Variants in CNTNAP3 observed in about 807,000 individuals in gnomAD.
CNTNAP3 encodes contactin-associated protein-like 3.
A neutral mutation model predicts 92.1 loss-of-function variants in CNTNAP3; 36 were observed. The ratio of observed to expected loss-of-function variants is 0.39; its 90% CI spans 0.30 to 0.52. The LOEUF (loss-of-function observed/expected upper bound fraction) is 0.52, where lower values mean the gene tolerates loss of function less well. Ranked by LOEUF, CNTNAP3 falls within the 20% of genes least tolerant of loss-of-function variation. The pLI, the probability that CNTNAP3 is intolerant of heterozygous loss-of-function variation, is 0.76. For synonymous variants in CNTNAP3, 232 were observed against 422.3 expected (o/e 0.55, Z 5.53); for missense variants, 534 against 1,069.6 (o/e 0.50, Z 6.98).
At chr9:39,106,011 C>T (rs1826596149) in intron 15 of CNTNAP3, among the ~76,000 whole-genome samples, 1 of 152,118 alleles carries the variant, frequency 6.6e-6, no homozygotes, top group Non-Finnish European at 1.5e-5. Context: ...ACATGTATAA[C>T]TCTTTCCTCA....
At chr9:39,104,396 T>C (rs1289281870) in intron 15 of CNTNAP3, among the ~76,000 whole-genome samples, 5 of 151,504 alleles carry the variant, frequency 3.3e-5, no homozygotes, top group Admixed American at 3.3e-4. Context: ...GGCATCCAAG[T>C]GGAGATTTGA....
intron 15 of CNTNAP3, chr9:39,106,608 CT>C (rs1826612068): frequency 6.6e-6 from 1 of 152,110 alleles, no homozygotes; most frequent in Non-Finnish European, 1.5e-5. Context: ...AGAAGTCTTG[CT>C]GAAAGTAGGA....
At chr9:39,123,738 T>G (rs1051961000) in intron 13 of CNTNAP3, among the ~76,000 whole-genome samples, 14 of 152,178 alleles carry the variant, frequency 9.2e-5, no homozygotes, top group Admixed American at 2.6e-4. Flanking sequence ...TTATGCCAGA[T>G]TTCCCTTAAG....
At chr9:39,118,049 A>G (rs1820902168) in intron 14 of CNTNAP3, 54 bp downstream of exon 14, 17 of 1,584,874 alleles carry the variant, frequency 1.1e-5, no homozygotes, top group Non-Finnish European at 1.4e-5. Context: ...TTAACTATGC[A>G]TAATTAAAGA....
intron 12 of CNTNAP3, among the ~76,000 whole-genome samples, chr9:39,137,679 A>T (rs1364316587): frequency 2.7e-5 from 4 of 150,218 alleles, no homozygotes; most frequent in African/African-American, 9.8e-5. Flanking sequence ...TGCCCAGCTA[A>T]TTTTTTTTGT....
At position 39,117,016 on chromosome 9, in the gene CNTNAP3, G is replaced by A. The variant is rs915142011; in HGVS notation, c.2237+1087C>T. On this transcript the variant is annotated intron_variant, in intron 14 of 23. Coordinates refer to ENST00000297668, the MANE Select transcript of CNTNAP3 (RefSeq NM_033655.5). Reference sequence around the variant, plus strand: ...ATTATTATTATTATTATTTTGAGGTGGAGTCTTGCTCTGTCGCCCAGGCTG... The same window carrying A: ...ATTATTATTATTATTATTTTGAGGTAGAGTCTTGCTCTGTCGCCCAGGCTG... Among the ~76,000 whole-genome samples, 41 of 151,584 alleles carry A rather than the reference G, an allele frequency of 2.7e-4. 1 individual carries two copies. Among genetic ancestry groups the A allele is most frequent in the African/African-American group, 9.2e-4 (38 of 41,256 alleles).
chr9:39,121,254 G>A (rs1821012301), intron 13 of CNTNAP3, among the ~76,000 whole-genome samples: 1 of 151,884 alleles, frequency 6.6e-6, no homozygotes, highest in Admixed American at 6.6e-5. Context: ...AAAGAAAGCA[G>A]AATGGCTATC....
chr9:39,093,395 G>C (rs1183750531), intron 18 of CNTNAP3, among the ~76,000 whole-genome samples: 1 of 87,994 alleles, frequency 1.1e-5, no homozygotes, highest in Non-Finnish European at 2.5e-5. Flanking sequence ...TATATAATTT[G>C]CCACTTAACC....
At chr9:39,100,506 T>C (rs1386885256) in intron 17 of CNTNAP3, among the ~76,000 whole-genome samples, 4 of 152,226 alleles carry the variant, frequency 2.6e-5, no homozygotes, top group East Asian at 3.9e-4. Flanking sequence ...TAAGAATGTG[T>C]ATTCATCAAA....
intron 23 of CNTNAP3, among the ~76,000 whole-genome samples, chr9:39,074,818 G>A (rs983707695): frequency 8.5e-5 from 13 of 152,260 alleles, no homozygotes; most frequent in African/African-American, 3.1e-4. Context: ...GCCCAGTCTG[G>A]AGTGCAGTGG....
Position 39,102,571 on chromosome 9 carries a change from T to G in CNTNAP3, c.2681A>C (p.Gln894Pro). 1 of 1,488,904 alleles carries G rather than the reference T, an allele frequency of 6.7e-7. No homozygotes were observed. 92.2% of individuals were successfully genotyped at this position (1,488,904 alleles called of 1,614,324 possible). ...NVKGASLQVD[Q>P]LPQKMQPAPA... ...GGCAGGCTGCATCTTCTGAGGAAGC[T>G]GATCAACTTGAAGAGACGCTCCTTT... Residue 894 changes from glutamine (Q) to proline (P), a missense_variant, in exon 17 of 24, where the codon CAG (glutamine) becomes CCG (proline). Transcript: ENST00000297668.
At chr9:39,148,025 C>T (rs1821744518) in intron 10 of CNTNAP3, among the ~76,000 whole-genome samples, 1 of 152,080 alleles carries the variant, frequency 6.6e-6, no homozygotes, top group South Asian at 2.1e-4. Flanking sequence ...GGGACATTAC[C>T]CCTTAACTCA....
chr9:39,085,466 A>T (rs62569964), intron 21 of CNTNAP3: 5 of 425,394 alleles, frequency 1.2e-5, no homozygotes, highest in Admixed American at 1.1e-4. Context: ...TTCAAGAAGG[A>T]TTAGAAAAAT....
In CNTNAP3 at chr9:39,088,851, C is replaced by A. The variant is rs187457167; in HGVS notation, c.2996-204G>T. Among the ~76,000 whole-genome samples, 24 of 151,718 alleles carry A rather than the reference C, an allele frequency of 1.6e-4. No homozygotes were observed. In the East Asian group the frequency reaches 4.7e-3, roughly 30 times the overall value. Reference sequence around the variant, plus strand: ...AGAAAAAGTAGCAAACTCCAATATACTCATAACCCAAAATTGACTAACACT... The same window carrying A: ...AGAAAAAGTAGCAAACTCCAATATAATCATAACCCAAAATTGACTAACACT... On this transcript the variant is annotated intron_variant, in intron 18 of 23. Coordinates refer to ENST00000297668, the MANE Select transcript of CNTNAP3 (RefSeq NM_033655.5).
At chr9:39,130,197 A>AT (rs1821244632) in intron 13 of CNTNAP3, among the ~76,000 whole-genome samples, 1 of 152,186 alleles carries the variant, frequency 6.6e-6, no homozygotes, top group Non-Finnish European at 1.5e-5. Flanking sequence ...CACAATGTTC[A>AT]TAAAAGCTTT....
At chr9:39,098,611 G>A (rs1826379761) in intron 18 of CNTNAP3, among the ~76,000 whole-genome samples, 1 of 152,058 alleles carries the variant, frequency 6.6e-6, no homozygotes, top group Non-Finnish European at 1.5e-5. Flanking sequence ...ATGAAGGAGT[G>A]GTTACTCCTG....
At chr9:39,118,966 A>G (rs1369337250) in intron 13 of CNTNAP3, among the ~76,000 whole-genome samples, 1 of 152,142 alleles carries the variant, frequency 6.6e-6, no homozygotes, top group African/African-American at 2.4e-5. Context: ...ATAGAACTGC[A>G]TATTAGGACA....
At chr9:39,110,851 C>G (rs568297486) in intron 14 of CNTNAP3, among the ~76,000 whole-genome samples, 103 of 152,158 alleles carry the variant, frequency 6.8e-4, no homozygotes, top group African/African-American at 2.3e-3. Flanking sequence ...CATGTACATT[C>G]TGATTTACAG....
Position 39,139,101 on chromosome 9 carries a change from C to T in CNTNAP3, c.1876+1418G>A, listed in dbSNP as rs1693075. ...CTAGAGAATTTATTACTGGCTATAG[C>T]GCAATGGGGCATCTAAAGAGAAGGT... is the stretch of plus-strand genomic sequence containing the variant. On this transcript the variant is annotated intron_variant, in intron 12 of 23. Transcript: ENST00000297668. 3.3e-5 allele frequency among the ~76,000 whole-genome samples: 5 copies of T among 152,146 alleles called. 1 individual carries two copies. The highest frequency in any genetic ancestry group is 2.1e-4 in the South Asian group (1 of 4,822).
Sources: allele counts gnomAD v4.1 joint callset (sites outside exome capture counted in the v4.1 genomes callset), GRCh38; gene constraint gnomAD v4.1.1; transcripts MANE v1.5; gene names NCBI Gene and HGNC (gene_info 2026-07-23, HGNC 2026-07-21).